PIEZO2: variants seen among roughly 807,000 people sequenced by gnomAD.
PIEZO2 encodes the protein piezo-type mechanosensitive ion channel component 2.
Under a neutral mutation model 337.3 loss-of-function variants are expected in PIEZO2, and 172 were observed. That is an observed-to-expected ratio of 0.51 (90% CI 0.45 to 0.58). The LOEUF (loss-of-function observed/expected upper bound fraction) is 0.58. Among genes scored for constraint, PIEZO2 ranks in the 20% least tolerant of loss-of-function variants. The pLI is 0.00. For synonymous variants in PIEZO2, 1,251 were observed against 1,228.5 expected, an observed-to-expected ratio of 1.02 and a Z score of -0.38; for missense variants, 3,028 against 3,391.3, an observed-to-expected ratio of 0.89 and a Z score of 2.66.
In PIEZO2 at chr18:10,696,503, A is replaced by G; in HGVS notation, c.6864T>C (p.Phe2288=). The G allele has an allele frequency of 1.2e-6, 2 of 1,613,960 alleles. No individual in the cohort carries two copies. The highest frequency in any genetic ancestry group is 1.3e-5 in the African/African-American group (1 of 75,038). Residue 2288 remains phenylalanine (F), a synonymous_variant, in exon 46 of 56, where the codon TTT becomes TTC. Transcript: ENST00000674853. ...LEIYVPIKQF[F]YNLIHPEYSA... is the part of the protein sequence containing the mutation. Reference sequence around the variant, plus strand: ...TATACTCCGGGTGGATGAGGTTGTAAAAGAACTGTTTGATGGGCACATAGA... The same window carrying G: ...TATACTCCGGGTGGATGAGGTTGTAGAAGAACTGTTTGATGGGCACATAGA...
At chr18:10,876,014 G>C (rs1266691504) in intron 4 of PIEZO2, among the ~76,000 whole-genome samples, 1 of 152,196 alleles carries the variant, frequency 6.6e-6, no homozygotes, top group East Asian at 1.9e-4. Context: ...AGTTAACAAA[G>C]CAGTGCATTC....
At chr18:10,680,420 T>C in intron 51 of PIEZO2, 49 bp from the exon 52 acceptor site, 2 of 1,519,574 alleles carry the variant, frequency 1.3e-6, no homozygotes, top group Non-Finnish European at 1.8e-6. Context: ...TGCATCATGC[T>C]GTATAAAGAA....
chr18:10,905,577 G>A (rs2043155074), intron 4 of PIEZO2, among the ~76,000 whole-genome samples: 1 of 43,538 alleles, frequency 2.3e-5, no homozygotes. Context: ...GAGCGAAACT[G>A]TTTCAAAAAA....
chr18:10,989,604 A>C (rs530453749), intron 2 of PIEZO2, among the ~76,000 whole-genome samples: 4 of 152,280 alleles, frequency 2.6e-5, no homozygotes, highest in Admixed American at 2.0e-4. Flanking sequence ...AATGTATATG[A>C]AATTAATATT....
chr18:11,148,744 G>A lies in PIEZO2; in HGVS notation c.-156C>T, dbSNP rs1016523992. The A allele has an allele frequency of 4.2e-6, 3 of 722,372 alleles. No individual in the cohort carries two copies. The highest frequency in any genetic ancestry group is 1.9e-5 in the South Asian group (1 of 53,224). 44.7% of individuals were successfully genotyped at this position (722,372 alleles called of 1,614,324 possible). ...CGCGGGCCGCGACGCTCTCCGCCCCGAGGGCACGCTCCCGGGGCTCTTGGC... is the reference window on the plus strand; with the variant it reads ...CGCGGGCCGCGACGCTCTCCGCCCCAAGGGCACGCTCCCGGGGCTCTTGGC... On this transcript the variant is annotated 5_prime_UTR_variant, in exon 1 of 56. Coordinates refer to ENST00000674853, the MANE Select transcript of PIEZO2 (RefSeq NM_001378183.1). This position sits in a 1 kb window ranked among gnomAD's most constrained non-coding sequence, Gnocchi z 5.2.
chr18:10,933,695 G>T (rs559675983), intron 3 of PIEZO2, among the ~76,000 whole-genome samples: 1 of 152,264 alleles, frequency 6.6e-6, no homozygotes, highest in South Asian at 2.1e-4. Flanking sequence ...GGAATGAAGG[G>T]GCGGTGACAT....
intron 7 of PIEZO2, among the ~76,000 whole-genome samples, chr18:10,818,769 C>G (rs928047544): frequency 6.6e-6 from 1 of 152,120 alleles, no homozygotes; most frequent in African/African-American, 2.4e-5. Context: ...AGCATCCTCA[C>G]GGGTGTTCCC....
chr18:11,065,780 A>G (rs1047349922), intron 2 of PIEZO2, among the ~76,000 whole-genome samples: 1 of 152,130 alleles, frequency 6.6e-6, no homozygotes, highest in Non-Finnish European at 1.5e-5. Flanking sequence ...ACAACCCAAA[A>G]AACAAATGTA....
At chr18:10,936,415 AT>A (rs959856727) in intron 3 of PIEZO2, among the ~76,000 whole-genome samples, 4 of 151,908 alleles carry the variant, frequency 2.6e-5, no homozygotes, top group Non-Finnish European at 4.4e-5. Context: ...TCCTCCGAAA[AT>A]TTTTTTTAAA....
At chr18:11,039,170 G>T (rs1484498412) in intron 2 of PIEZO2, among the ~76,000 whole-genome samples, 1 of 152,194 alleles carries the variant, frequency 6.6e-6, no homozygotes, top group African/African-American at 2.4e-5. Context: ...AAATTCATTA[G>T]CATGGTCTGC....
chr18:11,005,429 T>C (rs2035683761), intron 2 of PIEZO2, among the ~76,000 whole-genome samples: 1 of 152,220 alleles, frequency 6.6e-6, no homozygotes, highest in Non-Finnish European at 1.5e-5. Flanking sequence ...ATGTATTGAG[T>C]ATCAGGCATG....
chr18:10,902,132 G>A (rs1052460128), intron 4 of PIEZO2, among the ~76,000 whole-genome samples: 1 of 152,174 alleles, frequency 6.6e-6, no homozygotes, highest in African/African-American at 2.4e-5. Flanking sequence ...GATCTAGGTT[G>A]CATGCTCCTT....
chr18:10,826,450 T>A (rs1352748442), intron 7 of PIEZO2, among the ~76,000 whole-genome samples: 1 of 152,220 alleles, frequency 6.6e-6, no homozygotes, highest in African/African-American at 2.4e-5. Flanking sequence ...TATTTACTTA[T>A]TTGTTTAATC....
intron 2 of PIEZO2, among the ~76,000 whole-genome samples, chr18:11,034,334 C>T (rs377186385): frequency 1.3e-5 from 2 of 151,064 alleles, no homozygotes; most frequent in South Asian, 2.1e-4. Flanking sequence ...CTAGCTCTGT[C>T]GCCCAGGCTG....
chr18:11,078,439 C>A lies in PIEZO2; in HGVS notation c.65-12217G>T, dbSNP rs2038626858. ...TTTCTTCTATCTCCAGCACATGATG[C>A]GACCCAACATTACATCTTAACAACT... On this transcript the variant is annotated intron_variant, in intron 1 of 55. Transcript: ENST00000674853. This position sits in a 1 kb window ranked among gnomAD's most constrained non-coding sequence, Gnocchi z 5.3. Among the ~76,000 whole-genome samples the A allele has an allele frequency of 6.6e-6, 1 of 152,142 alleles. No homozygotes were observed. Among genetic ancestry groups the A allele is most frequent in the South Asian group, 2.1e-4 (1 of 4,820 alleles).
rs117423593 is a variant in PIEZO2, at chr18:10,917,153, C to T, written c.287-5925G>A. The stretch of plus-strand genomic sequence containing the variant: ...AAAAGGTCGGTCACCCACCAATATG[C>T]TCTCCGCAGCTGATGGAACAAGGGA... On this transcript the variant is annotated intron_variant, in intron 3 of 55. Coordinates refer to ENST00000674853, the MANE Select transcript of PIEZO2 (RefSeq NM_001378183.1). Among the ~76,000 whole-genome samples, 165 of 152,218 alleles carry T rather than the reference C, an allele frequency of 1.1e-3. 3 individuals are homozygous for T. In the East Asian group the frequency reaches 0.025, roughly 23 times the overall value.
Position 11,009,852 on chromosome 18 carries a change from C to G in PIEZO2, c.161-30192G>C, listed in dbSNP as rs190722879. Among the ~76,000 whole-genome samples the G allele has an allele frequency of 1.9e-3, 291 of 152,096 alleles. 1 individual carries two copies. The highest frequency in any genetic ancestry group is 6.5e-3 in the African/African-American group (270 of 41,486). On this transcript the variant is annotated intron_variant, in intron 2 of 55. Transcript: ENST00000674853. This position sits in a 1 kb window ranked among gnomAD's most constrained non-coding sequence, Gnocchi z 4.6. Reference sequence around the variant, plus strand: ...GACGCGGACAGGCACAGAAGGGAGACCGCATGGAGACACAAAGAGAAGACA... The same window carrying G: ...GACGCGGACAGGCACAGAAGGGAGAGCGCATGGAGACACAAAGAGAAGACA...
Position 10,726,073 on chromosome 18 carries a change from G to A in PIEZO2, c.5029+5334C>T, listed in dbSNP as rs1488045783. Reference sequence around the variant, plus strand: ...GTGGTATATGTATTCTTGTGTCCAGGAGGGCTGGGGGCAATGTCAGTTCGG... The same window carrying A: ...GTGGTATATGTATTCTTGTGTCCAGAAGGGCTGGGGGCAATGTCAGTTCGG... On this transcript the variant is annotated intron_variant, in intron 36 of 55. Transcript: ENST00000674853. This position sits in a 1 kb window ranked among gnomAD's most constrained non-coding sequence, Gnocchi z 5.9. Among the ~76,000 whole-genome samples the A allele has an allele frequency of 1.3e-5, 2 of 152,188 alleles. No individual in the cohort carries two copies. Among genetic ancestry groups the A allele is most frequent in the East Asian group, 3.9e-4 (2 of 5,186 alleles).
rs2037991365 is a variant in PIEZO2 at position 11,062,266 on chromosome 18, G to T, written c.160+3861C>A. Among the ~76,000 whole-genome samples, 3 of 151,912 alleles carry T rather than the reference G, an allele frequency of 2.0e-5. 1 individual carries two copies. Among genetic ancestry groups the T allele is most frequent in the South Asian group, 4.2e-4 (2 of 4,800 alleles). On this transcript the variant is annotated intron_variant, in intron 2 of 55. Transcript: ENST00000674853. ...CTTATACAAAAATTAATTCAAGATG[G>T]ATTAAAGACTTAAATGTTAGACCTA...
Sources: allele counts gnomAD v4.1 joint callset (sites outside exome capture counted in the v4.1 genomes callset), GRCh38; gene constraint gnomAD v4.1.1; non-coding constraint Gnocchi (gnomAD v3.1); transcripts MANE v1.5; gene names NCBI Gene and HGNC (gene_info 2026-07-23, HGNC 2026-07-21).